Variants in EYA1 observed in about 807,000 individuals in gnomAD.
EYA1 encodes EYA transcriptional coactivator and phosphatase 1, also known as protein phosphatase EYA1.
A neutral mutation model predicts 82.0 loss-of-function variants in EYA1; 16 were observed. The observed-to-expected ratio is 0.20, with a 90% CI of 0.13 to 0.30. The LOEUF is 0.30. Among genes scored for constraint, EYA1 ranks in the 10% least tolerant of loss-of-function variants. EYA1 has a pLI of 1.00. For synonymous variants in EYA1, 261 were observed against 264.4 expected, an observed-to-expected ratio of 0.99 and a Z score of 0.12; for missense variants, 633 against 730.7, an observed-to-expected ratio of 0.87 and a Z score of 1.54.
chr8:71,396,859 C>T lies in EYA1; in HGVS notation c.34-40348G>A, dbSNP rs563631326. Among the ~76,000 whole-genome samples, 13 of 152,214 alleles carry T rather than the reference C, an allele frequency of 8.5e-5. No homozygotes were observed. In the East Asian group the frequency reaches 1.2e-3, roughly 14 times the overall value. On this transcript the variant is annotated intron_variant, in intron 2 of 18. Transcript: ENST00000643681. ...GGATATCCTTGTTGACTTTCTGTGTCGTTGATCTGTCTAATGTTGACAGTG... is the reference window on the plus strand; with the variant it reads ...GGATATCCTTGTTGACTTTCTGTGTTGTTGATCTGTCTAATGTTGACAGTG...
chr8:71,490,439 CA>C (rs1220401124), intron 2 of EYA1, among the ~76,000 whole-genome samples: 1 of 151,972 alleles, frequency 6.6e-6, no homozygotes, highest in Non-Finnish European at 1.5e-5. Context: ...ACGCAATAAA[CA>C]GAACTATAAA....
rs1286758290 is a variant in EYA1, at chr8:71,408,814, C to T, written c.34-52303G>A. ...CCATTGTCAACATTAGACAGATCAA[C>T]GAGCCAGAAAGTCAACAAGGATACC... is the stretch of plus-strand genomic sequence containing the variant. On this transcript the variant is annotated intron_variant, in intron 2 of 18. Transcript: ENST00000643681. Among the ~76,000 whole-genome samples, 9 of 131,960 alleles carry T rather than the reference C, an allele frequency of 6.8e-5. 1 individual carries two copies. The South Asian group carries it at 1.3e-3, about 19-fold the overall frequency. The allele number at this position is 131,960 out of a possible 152,430, so 86.6% of individuals were successfully genotyped here.
intron 11 of EYA1, among the ~76,000 whole-genome samples, chr8:71,254,835 C>G (rs1331222593): frequency 1.3e-5 from 2 of 151,182 alleles, no homozygotes; most frequent in Non-Finnish European, 2.9e-5. Flanking sequence ...GAAGACCTCC[C>G]CCCACCCCGC....
At chr8:71,383,515 T>C (rs1828822307) in intron 2 of EYA1, among the ~76,000 whole-genome samples, 1 of 152,100 alleles carries the variant, frequency 6.6e-6, no homozygotes. Context: ...TTCTATAGCA[T>C]CAAAATGAAT....
At chr8:71,315,422 T>G (rs956130989) in intron 7 of EYA1, among the ~76,000 whole-genome samples, 5 of 152,206 alleles carry the variant, frequency 3.3e-5, no homozygotes, top group Non-Finnish European at 7.3e-5. Context: ...GGCAGGGCAC[T>G]TCACTTGCCT....
intron 6 of EYA1, among the ~76,000 whole-genome samples, chr8:71,319,399 G>A (rs1822282969): frequency 1.3e-5 from 2 of 152,132 alleles, no homozygotes; most frequent in Admixed American, 1.3e-4. Context: ...CAAAGTGCTG[G>A]GATTACAGGT....
intron 2 of EYA1, among the ~76,000 whole-genome samples, chr8:71,482,483 C>A (rs1443760234): frequency 6.6e-6 from 1 of 152,180 alleles, no homozygotes; most frequent in Non-Finnish European, 1.5e-5. Context: ...TGTTTGGACT[C>A]TTTTCTGAAG....
intron 7 of EYA1, among the ~76,000 whole-genome samples, chr8:71,306,677 A>G (rs1421355961): frequency 1.3e-5 from 2 of 151,454 alleles, no homozygotes; most frequent in Non-Finnish European, 2.9e-5. Context: ...TCCCTCCCTC[A>G]CTCCACATTT....
At chr8:71,344,299 T>A (rs1433738519) in intron 3 of EYA1, among the ~76,000 whole-genome samples, 2 of 151,868 alleles carry the variant, frequency 1.3e-5, no homozygotes, top group Non-Finnish European at 2.9e-5. Context: ...ATTGTACCAA[T>A]AAAAAAAATG....
intron 2 of EYA1, among the ~76,000 whole-genome samples, chr8:71,462,847 C>T (rs1035585338): frequency 3.3e-5 from 5 of 152,178 alleles, no homozygotes; most frequent in Non-Finnish European, 5.9e-5. Flanking sequence ...TCTGCCATTG[C>T]TGCTCCCATA....
At chr8:71,359,523 C>T (rs1039120412) in intron 1 of EYA1, among the ~76,000 whole-genome samples, 1 of 152,036 alleles carries the variant, frequency 6.6e-6, no homozygotes, top group East Asian at 1.9e-4. Flanking sequence ...TTATACTTTG[C>T]TAAATTACAA....
intron 2 of EYA1, among the ~76,000 whole-genome samples, chr8:71,415,088 T>A (rs1176915747): frequency 6.6e-6 from 1 of 152,180 alleles, no homozygotes; most frequent in Non-Finnish European, 1.5e-5. Flanking sequence ...GAGGCATTGG[T>A]TGCTCTGATT....
At chr8:71,307,731 CCA>C (rs1027615665) in intron 7 of EYA1, among the ~76,000 whole-genome samples, 1 of 152,076 alleles carries the variant, frequency 6.6e-6, no homozygotes, top group Non-Finnish European at 1.5e-5. Flanking sequence ...CCACTGGACC[CCA>C]GACATGGTAC....
intron 9 of EYA1, among the ~76,000 whole-genome samples, chr8:71,277,669 G>T (rs1346897818): frequency 6.6e-6 from 1 of 152,168 alleles, no homozygotes; most frequent in Non-Finnish European, 1.5e-5. Flanking sequence ...TTGAGCACAT[G>T]TCCATCATTC....
intron 2 of EYA1, among the ~76,000 whole-genome samples, chr8:71,475,659 TG>T (rs1563651183): frequency 6.6e-6 from 1 of 152,198 alleles, no homozygotes; most frequent in Admixed American, 6.5e-5. Flanking sequence ...GAAAAAATTT[TG>T]GTTCCTTCCC....
intron 2 of EYA1, among the ~76,000 whole-genome samples, chr8:71,439,421 TG>T: frequency 6.6e-6 from 1 of 152,166 alleles, no homozygotes; most frequent in Non-Finnish European, 1.5e-5. Flanking sequence ...AGTTCTAACC[TG>T]GGGTTTGACA....
intron 9 of EYA1, among the ~76,000 whole-genome samples, chr8:71,292,810 A>T (rs1819149215): frequency 6.6e-6 from 1 of 152,096 alleles, no homozygotes; most frequent in East Asian, 1.9e-4. Context: ...CGCTCAGGAG[A>T]AAATTAACAG....
intron 1 of EYA1, chr8:71,547,588 G>T (rs974716011): frequency 6.6e-6 from 1 of 151,934 alleles, no homozygotes; most frequent in East Asian, 1.9e-4. Flanking sequence ...TGAGAGTCGC[G>T]GCGCCCCTCA....
chr8:71,389,608 G>GA (rs1248251853), intron 2 of EYA1, among the ~76,000 whole-genome samples: 2 of 151,944 alleles, frequency 1.3e-5, no homozygotes, highest in South Asian at 2.1e-4. Flanking sequence ...CAACATCATG[G>GA]AAAAAAATCT....
Sources: allele counts gnomAD v4.1 joint callset (sites outside exome capture counted in the v4.1 genomes callset), GRCh38; gene constraint gnomAD v4.1.1; transcripts MANE v1.5; gene names NCBI Gene and HGNC (gene_info 2026-07-23, HGNC 2026-07-21).